Variants in ALG12 observed in about 807,000 individuals in gnomAD.
ALG12 encodes the protein dol-P-Man:Man(7)GlcNAc(2)-PP-Dol alpha-1,6-mannosyltransferase.
A neutral mutation model predicts 46.0 loss-of-function variants in ALG12; 36 were observed. The observed-to-expected ratio is 0.78, with a 90% CI of 0.60 to 1.03. ALG12 has a LOEUF of 1.03. Among genes scored for constraint, ALG12 ranks in the 50% least tolerant of loss-of-function variants. The probability of loss-of-function intolerance (pLI) is 0.00; values close to 1 mark genes in which losing one functional copy is unlikely to be tolerated. For missense variants in ALG12, 599 were observed against 633.5 expected (o/e 0.95, Z 0.58); for synonymous variants, 326 against 291.6 (o/e 1.12, Z -1.20).
rs1274628046 is a variant in ALG12, at chr22:49,900,988, A to AGAGGACGCCCTGCCATGCCTGGTCAT, written c.*2824_*2849dup. 5.3e-5 allele frequency: 8 copies of AGAGGACGCCCTGCCATGCCTGGTCAT among 152,318 alleles called. No homozygotes were observed. The highest frequency in any genetic ancestry group is 1.2e-4 in the Non-Finnish European group (8 of 68,084). The allele number at this position is 152,318 out of a possible 1,614,324, so 9.4% of individuals were successfully genotyped here. On this transcript the variant is annotated 3_prime_UTR_variant, in exon 10 of 10. Transcript: ENST00000330817. The stretch of plus-strand genomic sequence containing the variant: ...AGCAATGGCCGAGGCCAGAGGCCCA[A>AGAGGACGCCCTGCCATGCCTGGTCAT]GAGGACGCCCTGCCATGCCTGGTCA...
chr22:49,874,365 C>T, the ALG12 span, among the ~76,000 whole-genome samples: 1 of 151,590 alleles, frequency 6.6e-6, no homozygotes, highest in African/African-American at 2.4e-5. Flanking sequence ...TGGTTTTCCT[C>T]CTTTTGCTAA....
At chr22:49,863,410 C>G in the ALG12 span, among the ~76,000 whole-genome samples, 1 of 152,298 alleles carries the variant, frequency 6.6e-6, no homozygotes, top group Non-Finnish European at 1.5e-5. Flanking sequence ...AGGCGGATCA[C>G]GAGGTCAAGA....
the ALG12 span, chr22:49,883,865 G>A: frequency 6.2e-7 from 1 of 1,607,240 alleles, no homozygotes; most frequent in Non-Finnish European, 8.5e-7. Context: ...GGTTGCAGCT[G>A]CAAGCCCCCG....
Position 49,913,441 on chromosome 22 carries a change from G to A in ALG12, c.239C>T (p.Pro80Leu). 6.2e-7 allele frequency: 1 copy of A among 1,614,022 alleles called. No individual in the cohort carries two copies. Among genetic ancestry groups the A allele is most frequent in the Non-Finnish European group, 8.5e-7 (1 of 1,180,046 alleles). Residue 80 changes from proline (P) to leucine (L), a missense_variant, in exon 3 of 10, where the codon CCC (proline) becomes CTC (leucine). Physicochemically the swap from Pro to Leu is moderately conservative, Grantham distance 98. Coordinates refer to ENST00000330817, the MANE Select transcript of ALG12 (RefSeq NM_024105.4). ...TAACAGCGAAAGCACGTAAACCGCG[G>A]GGCTGGAGAACACTGCGATCACCAC... ...GPVVIAVFSS[P>L]AVYVLSLLEM...
At chr22:49,884,387 C>G in the ALG12 span, 1 of 1,612,430 alleles carries the variant, frequency 6.2e-7, no homozygotes, top group Non-Finnish European at 8.5e-7. Flanking sequence ...ATGTCCGTTT[C>G]GGAGAAGTGC....
At chr22:49,913,305 G>A in intron 3 of ALG12, 80 bp downstream of exon 3, 2 of 1,595,186 alleles carry the variant, frequency 1.3e-6, no homozygotes, top group Non-Finnish European at 8.5e-7. Flanking sequence ...TCCTGGGCAG[G>A]AGGGACCGCG....
rs576803018 is a variant in ALG12 at position 49,907,965 on chromosome 22, GCCACGCACCTGT to G, written c.769-33_769-22del. 291 of 1,608,434 alleles carry G rather than the reference GCCACGCACCTGT, an allele frequency of 1.8e-4. 1 individual carries two copies. The African/African-American group carries it at 3.4e-3, about 19-fold the overall frequency. On this transcript the variant is annotated intron_variant, in intron 6 of 9. Coordinates refer to ENST00000330817, the MANE Select transcript of ALG12 (RefSeq NM_024105.4). ...GAGGTCTGCGGGCTGGGTTAAGGAG[GCCACGCACCTGT>G]CCACGCATGAGCCCGTGGGCTAGGT...
Position 49,909,907 on chromosome 22 carries a change from C to G in ALG12, c.651G>C (p.Gly217=). 2 of 1,614,138 alleles carry G rather than the reference C, an allele frequency of 1.2e-6. No individual in the cohort carries two copies. The highest frequency in any genetic ancestry group is 1.7e-6 in the Non-Finnish European group (2 of 1,180,018). Residue 217 remains glycine (G), a synonymous_variant, in exon 5 of 10, where the codon GGG becomes GGC. Transcript: ENST00000330817. ...TGACTGACTTACCTAAACAGAGGAT[C>G]CCTGCCGGGACGGCGTGGCGAAGGG... ...VRALRHAVPA[G]ILCLGLTVAV...
chr22:49,871,956 G>A, the ALG12 span, among the ~76,000 whole-genome samples: 1 of 152,012 alleles, frequency 6.6e-6, no homozygotes, highest in South Asian at 2.1e-4. Flanking sequence ...ATGTTGGCCA[G>A]GCTGGTCTCG....
At chr22:49,885,264 C>T in the ALG12 span, 1 of 1,599,178 alleles carries the variant, frequency 6.3e-7, no homozygotes, top group Middle Eastern at 1.7e-4. Context: ...CAGAAAGTTC[C>T]TCTTCCAAAT....
At chr22:49,875,335 G>C in the ALG12 span, among the ~76,000 whole-genome samples, 1 of 151,792 alleles carries the variant, frequency 6.6e-6, no homozygotes, top group Non-Finnish European at 1.5e-5. Flanking sequence ...TAAATAAAAG[G>C]CTAATCAGCT....
In ALG12 at chr22:49,911,984, T is replaced by C. The variant is rs796723443; in HGVS notation, c.296-1377A>G. Among the ~76,000 whole-genome samples the C allele has an allele frequency of 3.6e-3, 418 of 114,970 alleles. 1 individual carries two copies. Among genetic ancestry groups the C allele is most frequent in the African/African-American group, 9.5e-3 (167 of 17,630 alleles). 75.4% of individuals were successfully genotyped at this position (114,970 alleles called of 152,430 possible). Reference sequence around the variant, plus strand: ...CCTCGGCCTCACGATCAGCCTCGGCTGCGGGATCACCCTCGGCCCCGGGAT... The same window carrying C: ...CCTCGGCCTCACGATCAGCCTCGGCCGCGGGATCACCCTCGGCCCCGGGAT... On this transcript the variant is annotated intron_variant, in intron 3 of 9. Coordinates refer to ENST00000330817, the MANE Select transcript of ALG12 (RefSeq NM_024105.4).
chr22:49,884,325 A>C, the ALG12 span: 1 of 1,613,844 alleles, frequency 6.2e-7, no homozygotes, highest in African/African-American at 1.3e-5. Context: ...CCCCCGATCG[A>C]ATAACAGAGG....
chr22:49,873,689 T>G, the ALG12 span, among the ~76,000 whole-genome samples: 1 of 112,434 alleles, frequency 8.9e-6, no homozygotes, highest in African/African-American at 9.4e-5. Flanking sequence ...TGCGGTGATA[T>G]GAGGTGATAT....
chr22:49,887,844 T>G, the ALG12 span: 1 of 167,284 alleles, frequency 6.0e-6, no homozygotes, highest in Non-Finnish European at 1.5e-5. Flanking sequence ...GTCAGTTAAC[T>G]CAGAGATACC....
At chr22:49,896,558 G>C (rs779440538), downstream of ALG12, among the ~76,000 whole-genome samples, 10 of 152,236 alleles carry the variant, frequency 6.6e-5, no homozygotes, top group Non-Finnish European at 1.2e-4. Context: ...CAGTCTCACA[G>C]CATCAGTGAA....
chr22:49,863,049 G>A, the ALG12 span, among the ~76,000 whole-genome samples: 8 of 152,058 alleles, frequency 5.3e-5, no homozygotes, highest in Admixed American at 1.3e-4. Flanking sequence ...CCCACCTCCC[G>A]TGGAAGTATT....
the ALG12 span, chr22:49,884,969 T>C: frequency 1.9e-6 from 3 of 1,613,018 alleles, no homozygotes; most frequent in Non-Finnish European, 2.5e-6. Context: ...GCTGATGGGC[T>C]GAGTCCTAGA....
chr22:49,916,301 G>A (rs888762375), intron 1 of ALG12, among the ~76,000 whole-genome samples: 5 of 146,676 alleles, frequency 3.4e-5, no homozygotes, highest in Non-Finnish European at 7.5e-5. Context: ...ATGTTCCAAC[G>A]GCCGGGCGTG....
Sources: allele counts gnomAD v4.1 joint callset (sites outside exome capture counted in the v4.1 genomes callset), GRCh38; gene constraint gnomAD v4.1.1; transcripts MANE v1.5; gene names NCBI Gene and HGNC (gene_info 2026-07-23, HGNC 2026-07-21).